INPP4B: variants seen among roughly 807,000 people sequenced by gnomAD.
The protein encoded by INPP4B is inositol polyphosphate-4-phosphatase type II B, also known as inositol polyphosphate 4-phosphatase type II.
A neutral mutation model predicts 122.5 loss-of-function variants in INPP4B; 55 were observed. The observed-to-expected ratio is 0.45, with a 90% CI of 0.36 to 0.56. The LOEUF is 0.56. Ranked by LOEUF, INPP4B falls within the 20% of genes least tolerant of loss-of-function variation. The pLI is 0.00. For synonymous variants in INPP4B, 403 were observed against 388.7 expected, an observed-to-expected ratio of 1.04 and a Z score of -0.43; for missense variants, 1,000 against 1,097.7, an observed-to-expected ratio of 0.91 and a Z score of 1.26.
intron 7 of INPP4B, among the ~76,000 whole-genome samples, chr4:142,380,373 G>A (rs968890307): frequency 2.0e-5 from 3 of 152,062 alleles, no homozygotes; most frequent in Admixed American, 1.3e-4. Flanking sequence ...CTCTACAGAC[G>A]TTGAGCAGGC....
intron 2 of INPP4B, among the ~76,000 whole-genome samples, chr4:142,498,417 T>A (rs1290625207): frequency 1.3e-5 from 2 of 152,004 alleles, no homozygotes; most frequent in Non-Finnish European, 2.9e-5. Flanking sequence ...ACCTTAAAAG[T>A]TGAAGATGAC....
chr4:142,417,174 G>T (rs150294378), intron 5 of INPP4B, among the ~76,000 whole-genome samples: 1 of 152,288 alleles, frequency 6.6e-6, no homozygotes, highest in East Asian at 1.9e-4. Flanking sequence ...GAAAGCTTCA[G>T]AGCCCTAGGC....
intron 2 of INPP4B, among the ~76,000 whole-genome samples, chr4:142,483,615 G>A (rs559469826): frequency 1.1e-3 from 161 of 151,990 alleles, no homozygotes; most frequent in Non-Finnish European, 2.0e-3. Flanking sequence ...GCTAAGACAG[G>A]ATGAAAGAAA....
At chr4:142,614,068 G>C (rs1743162522) in intron 2 of INPP4B, among the ~76,000 whole-genome samples, 1 of 152,038 alleles carries the variant, frequency 6.6e-6, no homozygotes, top group African/African-American at 2.4e-5. Context: ...GCATAGTGCT[G>C]GTATAAAAAT....
At chr4:142,035,288 G>A (rs899353340) in intron 25 of INPP4B, among the ~76,000 whole-genome samples, 3 of 152,170 alleles carry the variant, frequency 2.0e-5, no homozygotes, top group Non-Finnish European at 4.4e-5. Context: ...TGGAAAGTGA[G>A]GTTAGGATGA....
intron 1 of INPP4B, among the ~76,000 whole-genome samples, chr4:142,780,864 C>T (rs1425113128): frequency 6.6e-6 from 1 of 152,084 alleles, no homozygotes; most frequent in Non-Finnish European, 1.5e-5. Flanking sequence ...TGAATCCGAT[C>T]TTAATATACT....
intron 11 of INPP4B, among the ~76,000 whole-genome samples, chr4:142,253,844 G>A (rs886641073): frequency 9.8e-5 from 15 of 152,304 alleles, no homozygotes; most frequent in African/African-American, 3.6e-4. Flanking sequence ...GAACTCGGTG[G>A]AGCCCACCAC....
At chr4:142,758,139 G>T (rs145826976) in intron 1 of INPP4B, among the ~76,000 whole-genome samples, 1 of 152,220 alleles carries the variant, frequency 6.6e-6, no homozygotes, top group Non-Finnish European at 1.5e-5. Context: ...AAATTGAAGT[G>T]CAGCCGAAGG....
At chr4:142,263,357 T>C (rs1478077301) in intron 10 of INPP4B, among the ~76,000 whole-genome samples, 1 of 152,102 alleles carries the variant, frequency 6.6e-6, no homozygotes, top group Non-Finnish European at 1.5e-5. Context: ...GTAAGTTTCT[T>C]TATTTTTCTT....
At chr4:142,781,942 CT>C (rs1455841121) in intron 1 of INPP4B, among the ~76,000 whole-genome samples, 2 of 151,754 alleles carry the variant, frequency 1.3e-5, no homozygotes, top group African/African-American at 4.8e-5. Flanking sequence ...CTTATTCTAA[CT>C]TTTGTCTTGC....
At chr4:142,767,428 G>A (rs1307071157) in intron 1 of INPP4B, among the ~76,000 whole-genome samples, 1 of 152,148 alleles carries the variant, frequency 6.6e-6, no homozygotes, top group Non-Finnish European at 1.5e-5. Context: ...AAACCTCATT[G>A]AGCATAGAGT....
At chr4:142,090,337 T>C (rs150837157) in intron 23 of INPP4B, among the ~76,000 whole-genome samples, 1 of 152,074 alleles carries the variant, frequency 6.6e-6, no homozygotes, top group East Asian at 1.9e-4. Flanking sequence ...ATTTCTATAG[T>C]GACAAAACTT....
chr4:142,195,675 T>A (rs989515097), intron 14 of INPP4B, among the ~76,000 whole-genome samples: 3 of 152,160 alleles, frequency 2.0e-5, no homozygotes, highest in African/African-American at 7.2e-5. Flanking sequence ...TCACTTCAAC[T>A]TCCCCCAAAA....
In INPP4B at chr4:142,846,190, A is replaced by T. The variant is rs560016220; in HGVS notation, c.-254+19T>A. 2 of 152,212 alleles carry T rather than the reference A, an allele frequency of 1.3e-5. No individual in the cohort carries two copies. The highest frequency in any genetic ancestry group is 4.8e-5 in the African/African-American group (2 of 41,470). 9.4% of individuals were successfully genotyped at this position (152,212 alleles called of 1,614,324 possible). ...CAAAATTCCCCCACCGAGCCCTAGG[A>T]TCCCAGGCGGGTAATTACCTCTCCC... On this transcript the variant is annotated intron_variant, in intron 1 of 25. Coordinates refer to ENST00000262992, the MANE Select transcript of INPP4B (RefSeq NM_001101669.3). The surrounding 1 kb of genome is among the most constrained non-coding windows in gnomAD (Gnocchi z 5.1).
chr4:142,119,351 G>A (rs535401677), intron 21 of INPP4B, among the ~76,000 whole-genome samples: 2 of 152,244 alleles, frequency 1.3e-5, no homozygotes, highest in South Asian at 2.1e-4. Context: ...GCACATGTAC[G>A]TTTGTTGCGG....
At chr4:142,255,733 C>T (rs368972728) in intron 11 of INPP4B, among the ~76,000 whole-genome samples, 34 of 152,156 alleles carry the variant, frequency 2.2e-4, no homozygotes, top group African/African-American at 7.7e-4. Flanking sequence ...AAAGAGACTT[C>T]GACTCCCACA....
intron 8 of INPP4B, chr4:142,306,075 G>A: frequency 3.7e-6 from 1 of 272,738 alleles, no homozygotes; most frequent in Non-Finnish European, 5.6e-6. Context: ...TACTAGCATG[G>A]GACAATTTCA....
chr4:142,668,801 C>G (rs1166816432), intron 2 of INPP4B, among the ~76,000 whole-genome samples: 1 of 152,012 alleles, frequency 6.6e-6, no homozygotes, highest in East Asian at 1.9e-4. Flanking sequence ...GTAATCCCAG[C>G]ACTTTGGGAG....
chr4:142,793,814 G>GA (rs759910497), intron 1 of INPP4B, among the ~76,000 whole-genome samples: 6 of 151,422 alleles, frequency 4.0e-5, no homozygotes, highest in South Asian at 2.1e-4. Flanking sequence ...AAAATAGCAT[G>GA]AAAAAAAATC....
Sources: allele counts gnomAD v4.1 joint callset (sites outside exome capture counted in the v4.1 genomes callset), GRCh38; gene constraint gnomAD v4.1.1; non-coding constraint Gnocchi (gnomAD v3.1); transcripts MANE v1.5; gene names NCBI Gene and HGNC (gene_info 2026-07-23, HGNC 2026-07-21).